CDC42BPB: variants seen among roughly 807,000 people sequenced by gnomAD.
CDC42BPB encodes CDC42 binding protein kinase beta, also known as serine/threonine-protein kinase MRCK beta.
Under a neutral mutation model 214.9 loss-of-function variants are expected in CDC42BPB, and 37 were observed. That is an observed-to-expected ratio of 0.17 (90% CI 0.13 to 0.23). CDC42BPB has a LOEUF of 0.23. Ranked by LOEUF, CDC42BPB falls within the 10% of genes least tolerant of loss-of-function variation. CDC42BPB has a pLI of 1.00. For synonymous variants in CDC42BPB, 931 were observed against 884.0 expected (o/e 1.05, Z -0.94); for missense variants, 1,694 against 2,227.0 (o/e 0.76, Z 4.82).
At chr14:103,020,665 C>T (rs1047863697) in intron 1 of CDC42BPB, among the ~76,000 whole-genome samples, 2 of 152,184 alleles carry the variant, frequency 1.3e-5, no homozygotes. Flanking sequence ...ATGCTGAACC[C>T]CCGTGAGAGA....
At chr14:103,039,749 A>G (rs1880090379) in intron 1 of CDC42BPB, among the ~76,000 whole-genome samples, 1 of 152,194 alleles carries the variant, frequency 6.6e-6, no homozygotes, top group South Asian at 2.1e-4. Context: ...CCTACACTGT[A>G]CTGAAGGTTC....
At chr14:102,966,237 G>A (rs2139450545) in intron 18 of CDC42BPB, 45 bp downstream of exon 18, 2 of 1,372,340 alleles carry the variant, frequency 1.5e-6, no homozygotes, top group South Asian at 2.3e-5. Flanking sequence ...AAAACCATTA[G>A]CGAATTATTC....
chr14:103,001,000 C>A (rs1875370168), intron 4 of CDC42BPB, among the ~76,000 whole-genome samples: 1 of 152,226 alleles, frequency 6.6e-6, no homozygotes. Flanking sequence ...GTGGGCTTGT[C>A]TGAGGAAGGG....
chr14:103,011,091 G>A (rs570524627), intron 2 of CDC42BPB, among the ~76,000 whole-genome samples: 3 of 152,254 alleles, frequency 2.0e-5, no homozygotes, highest in Admixed American at 6.5e-5. Context: ...CACCCGAGGC[G>A]GTACCGCGGC....
intron 3 of CDC42BPB, among the ~76,000 whole-genome samples, chr14:103,008,246 G>C (rs1885959360): frequency 1.3e-5 from 2 of 152,198 alleles, no homozygotes; most frequent in Non-Finnish European, 2.9e-5. Flanking sequence ...ATTCTCGAGG[G>C]TGCACTCTCA....
rs1250725883 is a variant in CDC42BPB at position 102,982,197 on chromosome 14, AG to A, written c.892-1177del. Among the ~76,000 whole-genome samples the A allele has an allele frequency of 3.3e-5, 5 of 152,352 alleles. No individual in the cohort carries two copies. In the East Asian group the frequency reaches 9.6e-4, roughly 29 times the overall value. On this transcript the variant is annotated intron_variant, in intron 7 of 36. Transcript: ENST00000361246. ...TTTTTGCATTGTCTGAAGTTTTTAT[AG>A]GGGGTATATATTAATTTACAAATAA...
At chr14:102,972,205 G>A (rs756165656) in intron 12 of CDC42BPB, 44 bp from the exon 13 acceptor site, 2 of 1,598,458 alleles carry the variant, frequency 1.3e-6, no homozygotes, top group Admixed American at 3.4e-5. Flanking sequence ...GCCTAACAAA[G>A]GCTTGGAAGG....
chr14:102,983,544 G>T lies in CDC42BPB; in HGVS notation c.891+12C>A, dbSNP rs1197645634. On this transcript the variant is annotated intron_variant, in intron 7 of 36. Transcript: ENST00000361246. ...CAGGTACCAAAAAAAAAAAAAAAAT[G>T]CAACGTCTTACTTCATGGTTCATGA... The T allele has an allele frequency of 2.0e-6, 3 of 1,503,232 alleles. No individual in the cohort carries two copies. The highest frequency in any genetic ancestry group is 4.5e-5 in the East Asian group (2 of 44,424). 93.1% of individuals were successfully genotyped at this position (1,503,232 alleles called of 1,614,324 possible). A position where few individuals can be genotyped will look rare whatever the true frequency, so the allele number is the denominator to read the frequency against.
chr14:103,053,731 C>T (rs1260187053), intron 1 of CDC42BPB, among the ~76,000 whole-genome samples: 2 of 148,624 alleles, frequency 1.3e-5, no homozygotes, highest in Non-Finnish European at 3.0e-5. Context: ...CACTGCACTC[C>T]AGCCTGGGCG....
At chr14:102,962,585 C>A (rs1017128859) in intron 20 of CDC42BPB, among the ~76,000 whole-genome samples, 1 of 152,178 alleles carries the variant, frequency 6.6e-6, no homozygotes, top group African/African-American at 2.4e-5. Flanking sequence ...CACGGTGGCT[C>A]ACACCTGTAA....
chr14:103,019,783 C>G (rs986215237), intron 1 of CDC42BPB, among the ~76,000 whole-genome samples: 3 of 152,110 alleles, frequency 2.0e-5, no homozygotes, highest in Admixed American at 6.6e-5. Context: ...CGAACTGTCC[C>G]CTAAAGAACT....
intron 1 of CDC42BPB, among the ~76,000 whole-genome samples, chr14:103,053,754 T>G (rs896262326): frequency 8.2e-4 from 116 of 141,658 alleles, no homozygotes; most frequent in African/African-American, 3.0e-3. Flanking sequence ...AGAGTGAGAC[T>G]CCGTCTCAAA....
chr14:103,010,778 T>G (rs1466172073), intron 2 of CDC42BPB, among the ~76,000 whole-genome samples: 1 of 152,206 alleles, frequency 6.6e-6, no homozygotes, highest in Admixed American at 6.5e-5. Flanking sequence ...ACGCCTGTAA[T>G]CCCAGCACTT....
At chr14:102,993,702 T>A (rs1244945991) in intron 5 of CDC42BPB, among the ~76,000 whole-genome samples, 1 of 152,146 alleles carries the variant, frequency 6.6e-6, no homozygotes, top group African/African-American at 2.4e-5. Context: ...CACTCCCTTC[T>A]GTGAGTCACC....
rs1040519803 is a variant in CDC42BPB, at chr14:103,001,209, T to C, written c.448-1496A>G. Among the ~76,000 whole-genome samples, 94 of 152,110 alleles carry C rather than the reference T, an allele frequency of 6.2e-4. No individual in the cohort carries two copies. The highest frequency in any genetic ancestry group is 2.2e-3 in the African/African-American group (93 of 41,508). ...CCCTGGCTCAGGCACTGCCCGTCCT[T>C]CCCCGCCGAGTTTTTCAATTTGTTC... On this transcript the variant is annotated intron_variant, in intron 4 of 36. Coordinates refer to ENST00000361246, the MANE Select transcript of CDC42BPB (RefSeq NM_006035.4). The surrounding 1 kb of genome is among the most constrained non-coding windows in gnomAD (Gnocchi z 5.8).
At chr14:102,989,901 T>C (rs748031001) in intron 5 of CDC42BPB, among the ~76,000 whole-genome samples, 4 of 149,866 alleles carry the variant, frequency 2.7e-5, no homozygotes, top group Non-Finnish European at 4.4e-5. Flanking sequence ...GCTCCATGAA[T>C]TGATATGGAA....
chr14:102,990,155 AG>A (rs1894427240), intron 5 of CDC42BPB, among the ~76,000 whole-genome samples: 2 of 152,224 alleles, frequency 1.3e-5, no homozygotes, highest in Admixed American at 6.5e-5. Flanking sequence ...CAAAGGCGGA[AG>A]GGAAGTCTAA....
Position 102,943,832 on chromosome 14 carries a change from T to G in CDC42BPB, c.4408+59A>C. 6.7e-7 allele frequency: 1 copy of G among 1,485,962 alleles called. No individual in the cohort carries two copies. Among genetic ancestry groups the G allele is most frequent in the Non-Finnish European group, 9.1e-7 (1 of 1,099,032 alleles). The allele number at this position is 1,485,962 out of a possible 1,614,324, so 92.0% of individuals were successfully genotyped here. On this transcript the variant is annotated intron_variant, in intron 30 of 36. Transcript: ENST00000361246. This position sits in a 1 kb window ranked among gnomAD's most constrained non-coding sequence, Gnocchi z 4.6. Reference sequence around the variant, plus strand: ...ACAAACCAAAGCAAAATCGAACACATGCTGACTGTCGGTGGGAAAAGCAGC... The same window carrying G: ...ACAAACCAAAGCAAAATCGAACACAGGCTGACTGTCGGTGGGAAAAGCAGC...
Position 102,968,665 on chromosome 14 carries a change from T to C in CDC42BPB, c.2047A>G (p.Ile683Val). 1 of 1,614,210 alleles carries C rather than the reference T, an allele frequency of 6.2e-7. No individual in the cohort carries two copies. The highest frequency in any genetic ancestry group is 1.1e-5 in the South Asian group (1 of 91,088). Residue 683 changes from isoleucine (I) to valine (V), a missense_variant, in exon 15 of 37, where the codon ATT becomes GTT. Around this residue, in one of 7 missense-constraint regions of CDC42BPB, gnomAD observed 462 missense variants for 513.5 expected, o/e 0.90. Transcript: ENST00000361246. ...TCCAGCTCGGATTTGATTTTGGAAA[T>C]CTCTTGCTGGTGCTCTAAGGTGGCA... ...AGATLEHQQEISKIKSELEKK... is the reference protein window; with the variant it reads ...AGATLEHQQEVSKIKSELEKK...
Sources: gnomAD v4.1 joint callset for allele counts (sites outside exome capture counted in the v4.1 genomes callset) on GRCh38, gnomAD v4.1.1 for gene constraint, gnomAD v4.1.1 regional missense constraint, Gnocchi (gnomAD v3.1) non-coding constraint, MANE v1.5 for transcripts, NCBI Gene and HGNC (gene_info 2026-07-23, HGNC 2026-07-21) for gene names.